LIN52: variants seen among roughly 807,000 people sequenced by gnomAD.
The protein encoded by LIN52 is lin-52 DREAM MuvB core complex component.
Under a neutral mutation model 18.5 loss-of-function variants are expected in LIN52, and 4 were observed. The observed-to-expected ratio is 0.22, with a 90% CI of 0.11 to 0.49. LIN52 has a LOEUF of 0.49. Ranked by LOEUF, LIN52 falls within the 20% of genes least tolerant of loss-of-function variation. The pLI is 0.97. For synonymous variants in LIN52, 34 were observed against 45.5 expected, an observed-to-expected ratio of 0.75 and a Z score of 1.02; for missense variants, 102 against 139.5, an observed-to-expected ratio of 0.73 and a Z score of 1.35.
chr14:74,099,190 G>A (rs1157975627), intron 4 of LIN52, among the ~76,000 whole-genome samples: 1 of 151,934 alleles, frequency 6.6e-6, no homozygotes, highest in Non-Finnish European at 1.5e-5. Flanking sequence ...TAAAAACCTG[G>A]GATTCTTGAG....
intron 5 of LIN52, among the ~76,000 whole-genome samples, chr14:74,163,490 G>T (rs1296715548): frequency 1.3e-5 from 2 of 152,106 alleles, no homozygotes; most frequent in African/African-American, 2.4e-5. Flanking sequence ...AGGTAGGAGT[G>T]GGGGGGATGA....
chr14:74,183,920 A>G (rs2061330369), intron 5 of LIN52, among the ~76,000 whole-genome samples: 3 of 152,206 alleles, frequency 2.0e-5, no homozygotes, highest in Non-Finnish European at 4.4e-5. Context: ...GTTCGGCTCA[A>G]AATTGTTTTT....
At position 74,095,984 on chromosome 14, in the gene LIN52, G is replaced by C. The variant is rs1051440815; in HGVS notation, c.131G>C (p.Ser44Thr). The C allele has an allele frequency of 1.9e-6, 3 of 1,607,382 alleles. No homozygotes were observed. In the African/African-American group the frequency reaches 4.0e-5, roughly 22 times the overall value. Reference sequence around the variant, plus strand: ...GCTGAATTTGCAGCTTCCTTCAAAAGTGTAAGTAATATCCCTTACCTACTG... The same window carrying C: ...GCTGAATTTGCAGCTTCCTTCAAAACTGTAAGTAATATCCCTTACCTACTG... Reference protein sequence around the residue: ...GVAEFAASFKSPITSSPPKWM... With the variant: ...GVAEFAASFKTPITSSPPKWM... The change falls in exon 3 of 6, where the codon AGT (serine) becomes ACT (threonine). Residue 44 changes from serine (S) to threonine (T), a missense_variant and splice_region_variant. Coordinates refer to ENST00000555028, the MANE Select transcript of LIN52 (RefSeq NM_001024674.3).
chr14:74,132,982 C>T (rs2061076923), intron 5 of LIN52, among the ~76,000 whole-genome samples: 1 of 151,764 alleles, frequency 6.6e-6, no homozygotes, highest in Non-Finnish European at 1.5e-5. Flanking sequence ...GGAGCAAAAT[C>T]GAAACCATGT....
intron 5 of LIN52, among the ~76,000 whole-genome samples, chr14:74,154,787 A>C (rs1479354554): frequency 6.6e-6 from 1 of 152,214 alleles, no homozygotes; most frequent in Admixed American, 6.5e-5. Flanking sequence ...TTTAGTTACT[A>C]GTGTAAGATG....
At chr14:74,169,983 A>G (rs2358629) in intron 5 of LIN52, among the ~76,000 whole-genome samples, 117,985 of 152,082 alleles carry the variant, frequency 0.78, 46,092 homozygotes, top group Admixed American at 0.81. Context: ...TGGGTCTTGA[A>G]GAGCACATAA....
chr14:74,147,443 C>T (rs953857232), intron 5 of LIN52, among the ~76,000 whole-genome samples: 5 of 152,098 alleles, frequency 3.3e-5, no homozygotes, highest in Non-Finnish European at 5.9e-5. Context: ...ACCAAAAGAA[C>T]AAGCTCCATT....
chr14:74,165,516 T>TTTTTTTTTTG (rs2061245326), intron 5 of LIN52, among the ~76,000 whole-genome samples: 4 of 142,252 alleles, frequency 2.8e-5, no homozygotes. Flanking sequence ...TTCTTTTCTT[T>TTTTTTTTTTG]TTTTTTTTTT....
intron 5 of LIN52, among the ~76,000 whole-genome samples, chr14:74,179,370 A>T (rs1437112457): frequency 6.6e-6 from 1 of 152,102 alleles, no homozygotes; most frequent in Non-Finnish European, 1.5e-5. Flanking sequence ...AAAAATTCTA[A>T]TTCTTTGGGC....
chr14:74,135,141 T>A (rs2061090350), intron 5 of LIN52, among the ~76,000 whole-genome samples: 1 of 152,090 alleles, frequency 6.6e-6, no homozygotes, highest in African/African-American at 2.4e-5. Flanking sequence ...CTCTGCTCAC[T>A]ACGATCTCCG....
intron 5 of LIN52, among the ~76,000 whole-genome samples, chr14:74,139,817 T>C (rs1375457216): frequency 6.6e-6 from 1 of 152,214 alleles, no homozygotes; most frequent in African/African-American, 2.4e-5. Flanking sequence ...TTTATTTTTA[T>C]ATTCACTGTG....
chr14:74,121,609 CA>C (rs1252981076), intron 5 of LIN52, among the ~76,000 whole-genome samples: 1 of 151,934 alleles, frequency 6.6e-6, no homozygotes, highest in Non-Finnish European at 1.5e-5. Flanking sequence ...CAAAAATTTT[CA>C]AATAATGATG....
intron 5 of LIN52, among the ~76,000 whole-genome samples, chr14:74,167,165 C>T (rs1353294227): frequency 1.4e-5 from 2 of 144,860 alleles, no homozygotes; most frequent in Non-Finnish European, 3.0e-5. Flanking sequence ...TATCAACGTG[C>T]AGCAAATGTC....
At chr14:74,136,788 AAG>A (rs2061100267) in intron 5 of LIN52, among the ~76,000 whole-genome samples, 1 of 152,168 alleles carries the variant, frequency 6.6e-6, no homozygotes, top group East Asian at 1.9e-4. Flanking sequence ...TCCAGGTTGA[AAG>A]AGGACCAGCA....
At chr14:74,164,238 C>T (rs2061239018) in intron 5 of LIN52, among the ~76,000 whole-genome samples, 1 of 152,016 alleles carries the variant, frequency 6.6e-6, no homozygotes, top group South Asian at 2.1e-4. Flanking sequence ...GCCTCGGCCT[C>T]CCAAAGTGCT....
At chr14:74,185,793 T>G (rs2061338573) in intron 5 of LIN52, among the ~76,000 whole-genome samples, 1 of 152,216 alleles carries the variant, frequency 6.6e-6, no homozygotes, top group Non-Finnish European at 1.5e-5. Flanking sequence ...AGGGTCTCAC[T>G]CTATTGCTCA....
At chr14:74,090,894 A>G (rs1158117994) in intron 1 of LIN52, among the ~76,000 whole-genome samples, 1 of 152,206 alleles carries the variant, frequency 6.6e-6, no homozygotes, top group African/African-American at 2.4e-5. Flanking sequence ...CTAGAGTGCT[A>G]TCAGAAGAGT....
chr14:74,191,900 G>T (rs539379858), intron 5 of LIN52, among the ~76,000 whole-genome samples: 2 of 152,166 alleles, frequency 1.3e-5, no homozygotes, highest in Non-Finnish European at 2.9e-5. Flanking sequence ...CTTCCAAAGT[G>T]CTGGGATTAC....
chr14:74,091,434 G>A (rs2060771501), intron 2 of LIN52, 128 bp downstream of exon 2: 1 of 626,746 alleles, frequency 1.6e-6, no homozygotes, highest in South Asian at 2.3e-5. Flanking sequence ...ATTTAGCAGT[G>A]GGGGGTTGTA....
Sources: allele counts gnomAD v4.1 joint callset (sites outside exome capture counted in the v4.1 genomes callset), GRCh38; gene constraint gnomAD v4.1.1; transcripts MANE v1.5; gene names NCBI Gene and HGNC (gene_info 2026-07-23, HGNC 2026-07-21).